The following AGO3 variants were observed in gnomAD, a reference collection of about 807,000 sequenced individuals.
AGO3 encodes protein argonaute-3.
A neutral mutation model predicts 105.5 loss-of-function variants in AGO3; 16 were observed. That is an observed-to-expected ratio of 0.15 (90% CI 0.10 to 0.23). The LOEUF is 0.23. AGO3 is among the 10% of genes least tolerant of loss of function. AGO3 has a pLI of 1.00. For missense variants in AGO3, 534 were observed against 1,088.0 expected (o/e 0.49, Z 7.16); for synonymous variants, 340 against 367.3 (o/e 0.93, Z 0.85).
intron 11 of AGO3, among the ~76,000 whole-genome samples, chr1:36,016,466 G>C (rs1640907966): frequency 6.6e-6 from 1 of 152,204 alleles, no homozygotes; most frequent in African/African-American, 2.4e-5. Flanking sequence ...ACAGGCGTGA[G>C]CCACTGCGCC....
At chr1:36,054,618 C>T (rs189642308) in intron 17 of AGO3, among the ~76,000 whole-genome samples, 1 of 152,242 alleles carries the variant, frequency 6.6e-6, no homozygotes, top group African/African-American at 2.4e-5. Context: ...CAGTAGCTCA[C>T]GCCTGTAATT....
At position 36,045,441 on chromosome 1, in the gene AGO3, C is replaced by T. The variant is rs148968357; in HGVS notation, c.2274+1893C>T. Among the ~76,000 whole-genome samples the T allele has an allele frequency of 8.3e-3, 1,259 of 151,772 alleles. 27 individuals carry two copies. The highest frequency in any genetic ancestry group is 0.027 in the African/African-American group (1,133 of 41,394). On this transcript the variant is annotated intron_variant, in intron 17 of 18. Coordinates refer to ENST00000373191, the MANE Select transcript of AGO3 (RefSeq NM_024852.4). ...TTCACCATGATGGCCAGGCTGGTGT[C>T]GAACTCCTGACCTCAGGCAATCCGC...
At chr1:36,020,428 C>T (rs1641156728) in intron 11 of AGO3, among the ~76,000 whole-genome samples, 1 of 152,176 alleles carries the variant, frequency 6.6e-6, no homozygotes, top group Non-Finnish European at 1.5e-5. Context: ...ATATATCACT[C>T]TGTCTCTTCA....
chr1:35,966,908 T>G, intron 2 of AGO3, 47 bp from the exon 3 acceptor site: 1 of 1,543,894 alleles, frequency 6.5e-7, no homozygotes, highest in Non-Finnish European at 8.7e-7. Context: ...TATTTTTATA[T>G]TTCATCTTAC....
At chr1:35,982,312 C>G (rs1647067400) in intron 5 of AGO3, among the ~76,000 whole-genome samples, 1 of 152,042 alleles carries the variant, frequency 6.6e-6, no homozygotes, top group Non-Finnish European at 1.5e-5. Flanking sequence ...TTAAAGAAAT[C>G]ACAGAGAAAA....
chr1:35,957,593 G>A (rs1004622648), intron 2 of AGO3, among the ~76,000 whole-genome samples: 1 of 151,836 alleles, frequency 6.6e-6, no homozygotes, highest in African/African-American at 2.4e-5. Flanking sequence ...GGGCGTGGTG[G>A]CACGTGCTTG....
chr1:36,028,012 T>G (rs967580862), intron 12 of AGO3, among the ~76,000 whole-genome samples: 4 of 152,184 alleles, frequency 2.6e-5, no homozygotes, highest in African/African-American at 7.2e-5. Context: ...AGTTTCCTCA[T>G]CTCTGGAATT....
chr1:35,998,826 G>C (rs1639957569), intron 5 of AGO3, among the ~76,000 whole-genome samples: 2 of 151,898 alleles, frequency 1.3e-5, no homozygotes, highest in Non-Finnish European at 2.9e-5. Flanking sequence ...ATGGTTTATA[G>C]TTTTTGTATT....
At chr1:35,936,794 A>AT (rs1337477245) in intron 1 of AGO3, among the ~76,000 whole-genome samples, 1 of 152,178 alleles carries the variant, frequency 6.6e-6, no homozygotes, top group Non-Finnish European at 1.5e-5. Context: ...CTGGTCTTGA[A>AT]TTCCTAGGCT....
At chr1:36,009,893 A>C (rs897052318) in intron 9 of AGO3, among the ~76,000 whole-genome samples, 16 of 150,540 alleles carry the variant, frequency 1.1e-4, no homozygotes, top group Non-Finnish European at 1.8e-4. Context: ...GGGAAATAGG[A>C]GGAAAAGTCA....
At chr1:35,969,585 A>G (rs1313800533) in intron 3 of AGO3, among the ~76,000 whole-genome samples, 2 of 151,802 alleles carry the variant, frequency 1.3e-5, no homozygotes, top group African/African-American at 4.8e-5. Flanking sequence ...GCCAGTGGGA[A>G]CTCTTTTAAG....
rs186382924 is a variant in AGO3 at position 36,015,703 on chromosome 1, G to C, written c.1406+1655G>C. Among the ~76,000 whole-genome samples, 400 of 152,334 alleles carry C rather than the reference G, an allele frequency of 2.6e-3. 3 individuals carry two copies. The highest frequency in any genetic ancestry group is 8.9e-3 in the African/African-American group (372 of 41,580). ...TTTCACAATATCACAACTACTTTTT[G>C]TGGGATAGTAGCAGCAAGCATCATT... On this transcript the variant is annotated intron_variant, in intron 11 of 18. Transcript: ENST00000373191.
intron 2 of AGO3, among the ~76,000 whole-genome samples, chr1:35,963,035 G>C (rs191440405): frequency 6.6e-6 from 1 of 152,174 alleles, no homozygotes; most frequent in Admixed American, 6.5e-5. Flanking sequence ...GGAAATAGGA[G>C]CCTCAAGGAG....
chr1:36,047,929 A>G (rs1642544580), intron 17 of AGO3, among the ~76,000 whole-genome samples: 1 of 152,064 alleles, frequency 6.6e-6, no homozygotes, highest in African/African-American at 2.4e-5. Flanking sequence ...GGGGAGAAAT[A>G]TAGACATCTA....
In AGO3 at chr1:36,013,698, G is replaced by A; in HGVS notation, c.1218G>A (p.Met406Ile). Residue 406 changes from methionine (M) to isoleucine (I), a missense_variant, in exon 10 of 19, where the codon ATG becomes ATA. Coordinates refer to ENST00000373191, the MANE Select transcript of AGO3 (RefSeq NM_024852.4). The stretch of plus-strand genomic sequence containing the variant: ...TTCAATTTAAAGTTCGGGATGAAAT[G>A]GCTCATGTAACTGGACGCGTACTTC... Reference protein sequence around the residue: ...QEFQFKVRDEMAHVTGRVLPA... With the variant: ...QEFQFKVRDEIAHVTGRVLPA... 1 of 1,614,206 alleles carries A rather than the reference G, an allele frequency of 6.2e-7. No individual in the cohort carries two copies. Among genetic ancestry groups the A allele is most frequent in the East Asian group, 2.2e-5 (1 of 44,886 alleles).
upstream of AGO3, chr1:35,930,972 C>T: frequency 3.1e-6 from 1 of 327,212 alleles, no homozygotes. Context: ...GACACCTCCC[C>T]GGCGTCCTCC....
At chr1:36,025,487 G>A (rs1465210458) in intron 11 of AGO3, among the ~76,000 whole-genome samples, 3 of 150,016 alleles carry the variant, frequency 2.0e-5, no homozygotes, top group African/African-American at 4.9e-5. Context: ...TTTGTTATTC[G>A]CAGCTTGAAT....
Position 35,952,136 on chromosome 1 carries a change from C to CTTTTT in AGO3, c.191+6276_191+6277insTTTTT, listed in dbSNP as rs1557648119. Among the ~76,000 whole-genome samples the CTTTTT allele has an allele frequency of 2.7e-5, 3 of 111,522 alleles. 1 individual carries two copies. The allele number at this position is 111,522 out of a possible 152,430, so 73.2% of individuals were successfully genotyped here. On this transcript the variant is annotated intron_variant, in intron 2 of 18. Transcript: ENST00000373191. Reference sequence around the variant, plus strand: ...TCTTTCTTTCTTTCTTTCTTTCTTTCTTTCTTTCTTTCTTTTTTTTTTTTT... The same window carrying CTTTTT: ...TCTTTCTTTCTTTCTTTCTTTCTTTCTTTTTTTTCTTTCTTTCTTTTTTTTTTTTT...
rs2148875675 is a variant in AGO3 at position 36,069,020 on chromosome 1, G to C, written c.*13275G>C. On this transcript the variant is annotated 3_prime_UTR_variant, in exon 19 of 19. Coordinates refer to ENST00000373191, the MANE Select transcript of AGO3 (RefSeq NM_024852.4). Reference sequence around the variant, plus strand: ...CCCACTGATTTGCTCCGTGTCCTTAGGCAATTCGTTTAATCTCTGTGTGCC... The same window carrying C: ...CCCACTGATTTGCTCCGTGTCCTTACGCAATTCGTTTAATCTCTGTGTGCC... 1 of 152,320 alleles carries C rather than the reference G, an allele frequency of 6.6e-6. No individual in the cohort carries two copies. Among genetic ancestry groups the C allele is most frequent in the East Asian group, 1.9e-4 (1 of 5,194 alleles). The allele number at this position is 152,320 out of a possible 1,614,324, so 9.4% of individuals were successfully genotyped here.
Sources: allele counts gnomAD v4.1 joint callset (sites outside exome capture counted in the v4.1 genomes callset), GRCh38; gene constraint gnomAD v4.1.1; transcripts MANE v1.5; gene names NCBI Gene and HGNC (gene_info 2026-07-23, HGNC 2026-07-21).